The following GSK3B variants were observed in gnomAD, a reference collection of about 807,000 sequenced individuals.
The protein encoded by GSK3B is glycogen synthase kinase 3 beta, also known as glycogen synthase kinase-3 beta.
A neutral mutation model predicts 56.4 loss-of-function variants in GSK3B; 15 were observed. That is an observed-to-expected ratio of 0.27 (90% CI 0.18 to 0.41). The LOEUF is 0.41. GSK3B is among the 10% of genes least tolerant of loss of function. The probability of loss-of-function intolerance (pLI) is 1.00; values close to 1 mark genes in which losing one functional copy is unlikely to be tolerated. For missense variants in GSK3B, 300 were observed against 513.4 expected, an observed-to-expected ratio of 0.58 and a Z score of 4.02; for synonymous variants, 181 against 188.9, an observed-to-expected ratio of 0.96 and a Z score of 0.34.
intron 4 of GSK3B, among the ~76,000 whole-genome samples, chr3:119,919,746 AC>A (rs1050128472): frequency 1.1e-4 from 16 of 152,106 alleles, no homozygotes; most frequent in African/African-American, 3.9e-4. Flanking sequence ...AAAAACCACA[AC>A]AAAAAACAAG....
rs73854765 is a variant in GSK3B, at chr3:120,031,795, G to A, written c.89-29556C>T. Among the ~76,000 whole-genome samples the A allele has an allele frequency of 6.4e-3, 968 of 152,274 alleles. 12 individuals are homozygous for A. The highest frequency in any genetic ancestry group is 0.02 in the African/African-American group (827 of 41,546). On this transcript the variant is annotated intron_variant, in intron 1 of 10. Coordinates refer to ENST00000264235, the MANE Select transcript of GSK3B (RefSeq NM_001146156.2). ...AGCTGTTTAATGCACTGTCCATGAGGAGATAAGACATATCTGCATTTTTTG... is the reference window on the plus strand; with the variant it reads ...AGCTGTTTAATGCACTGTCCATGAGAAGATAAGACATATCTGCATTTTTTG...
intron 1 of GSK3B, among the ~76,000 whole-genome samples, chr3:120,002,529 C>T (rs1223993458): frequency 2.6e-5 from 4 of 151,842 alleles, no homozygotes; most frequent in Non-Finnish European, 4.4e-5. Context: ...AGCAGAGACG[C>T]GGTTTCACCA....
chr3:119,846,339 C>T (rs535829209), intron 9 of GSK3B, among the ~76,000 whole-genome samples: 1 of 152,286 alleles, frequency 6.6e-6, no homozygotes, highest in African/African-American at 2.4e-5. Flanking sequence ...GCAAAAGAAA[C>T]TATCATCAGA....
At chr3:119,849,981 T>C (rs1409303014) in intron 9 of GSK3B, among the ~76,000 whole-genome samples, 1 of 152,094 alleles carries the variant, frequency 6.6e-6, no homozygotes, top group East Asian at 1.9e-4. Flanking sequence ...TAATACCGAA[T>C]ACAATGTAAA....
chr3:120,013,848 C>A (rs1303838175), intron 1 of GSK3B, among the ~76,000 whole-genome samples: 16 of 131,470 alleles, frequency 1.2e-4, no homozygotes, highest in African/African-American at 1.8e-4. Flanking sequence ...AAAGAAACCA[C>A]GTTTAAAAAA....
intron 9 of GSK3B, among the ~76,000 whole-genome samples, chr3:119,847,736 T>C (rs987824066): frequency 4.6e-5 from 7 of 152,230 alleles, no homozygotes; most frequent in African/African-American, 1.7e-4. Context: ...TTTCATTGAT[T>C]TAAATATATT....
chr3:119,986,190 T>C (rs2057513918), intron 2 of GSK3B, among the ~76,000 whole-genome samples: 1 of 152,146 alleles, frequency 6.6e-6, no homozygotes, highest in Non-Finnish European at 1.5e-5. Context: ...TAATTCATGA[T>C]GGATAAAAGA....
intron 3 of GSK3B, among the ~76,000 whole-genome samples, chr3:119,937,234 T>C (rs1415214007): frequency 6.6e-6 from 1 of 152,036 alleles, no homozygotes; most frequent in Non-Finnish European, 1.5e-5. Context: ...GTGTTGGAGA[T>C]GGGGTCTAAT....
intron 2 of GSK3B, among the ~76,000 whole-genome samples, chr3:119,973,898 G>A (rs1260839708): frequency 2.0e-5 from 3 of 152,016 alleles, no homozygotes; most frequent in African/African-American, 7.3e-5. Context: ...TGGAAAAACT[G>A]GACAGACACA....
intron 10 of GSK3B, among the ~76,000 whole-genome samples, chr3:119,839,882 ATGTGGGGGTATATTAC>A (rs2108008147): frequency 6.6e-6 from 1 of 152,284 alleles, no homozygotes; most frequent in African/African-American, 2.4e-5. Flanking sequence ...GCCCCAGGGT[ATGTGGGGGTATATTAC>A]TGTGGTGATG....
In GSK3B at chr3:120,064,559, C is replaced by T. The variant is rs191316945; in HGVS notation, c.88+28788G>A. Among the ~76,000 whole-genome samples, 6 of 152,258 alleles carry T rather than the reference C, an allele frequency of 3.9e-5. No individual in the cohort carries two copies. The East Asian group carries it at 1.2e-3, about 29-fold the overall frequency. ...AATCCTGTGTTCATGGATAGGAAGA[C>T]ATAATACTGTCAAGATGTCAATATC... On this transcript the variant is annotated intron_variant, in intron 1 of 10. Transcript: ENST00000264235.
intron 2 of GSK3B, among the ~76,000 whole-genome samples, chr3:119,955,516 G>C (rs1054192425): frequency 6.6e-6 from 1 of 152,304 alleles, no homozygotes; most frequent in Non-Finnish European, 1.5e-5. Context: ...ATAGATACTT[G>C]GGGACAGGAG....
intron 1 of GSK3B, among the ~76,000 whole-genome samples, chr3:120,009,771 T>C (rs926524910): frequency 1.3e-4 from 19 of 151,976 alleles, no homozygotes; most frequent in African/African-American, 4.4e-4. Flanking sequence ...CAAACCACCA[T>C]GGCACATGTA....
At chr3:119,944,818 T>C (rs1404127530) in intron 3 of GSK3B, among the ~76,000 whole-genome samples, 2 of 152,184 alleles carry the variant, frequency 1.3e-5, no homozygotes, top group South Asian at 2.1e-4. Context: ...AAGCAATACA[T>C]AATGCTTCTG....
chr3:120,043,126 T>G (rs1185256972), intron 1 of GSK3B, among the ~76,000 whole-genome samples: 1 of 152,102 alleles, frequency 6.6e-6, no homozygotes, highest in African/African-American at 2.4e-5. Flanking sequence ...GGGGATCACG[T>G]CCTCATCAAG....
chr3:119,936,095 A>T (rs1383032830), intron 3 of GSK3B, among the ~76,000 whole-genome samples: 1 of 151,954 alleles, frequency 6.6e-6, no homozygotes, highest in Non-Finnish European at 1.5e-5. Flanking sequence ...ATAACACTAT[A>T]TCTATGAAAA....
intron 9 of GSK3B, among the ~76,000 whole-genome samples, chr3:119,862,541 A>AAAAG (rs2056120559): frequency 6.7e-6 from 1 of 149,188 alleles, no homozygotes; most frequent in African/African-American, 2.5e-5. Flanking sequence ...AAAAAAAAAA[A>AAAAG]AAGAAAGATA....
chr3:119,962,290 G>A (rs2057279483), intron 2 of GSK3B, among the ~76,000 whole-genome samples: 2 of 151,302 alleles, frequency 1.3e-5, no homozygotes, highest in Non-Finnish European at 2.9e-5. Context: ...CAGGAGAATC[G>A]CTTGAACCTG....
At chr3:119,877,637 G>C (rs866966423) in intron 7 of GSK3B, among the ~76,000 whole-genome samples, 9 of 152,230 alleles carry the variant, frequency 5.9e-5, no homozygotes, top group Non-Finnish European at 1.2e-4. Context: ...AGTGTCCCTT[G>C]TATACAAGGA....
Sources: allele counts gnomAD v4.1 joint callset (sites outside exome capture counted in the v4.1 genomes callset), GRCh38; gene constraint gnomAD v4.1.1; transcripts MANE v1.5; gene names NCBI Gene and HGNC (gene_info 2026-07-23, HGNC 2026-07-21).